Variants in HHIPL1 observed in about 807,000 individuals in gnomAD.
HHIPL1 encodes the protein HHIP-like protein 1.
A neutral mutation model predicts 61.8 loss-of-function variants in HHIPL1; 43 were observed. That is an observed-to-expected ratio of 0.70 (90% CI 0.55 to 0.90). The LOEUF (loss-of-function observed/expected upper bound fraction) is 0.90. Among genes scored for constraint, HHIPL1 ranks in the 40% least tolerant of loss-of-function variants. The pLI is 0.00. For missense variants in HHIPL1, 1,056 were observed against 1,157.7 expected (o/e 0.91, Z 1.28); for synonymous variants, 482 against 515.8 (o/e 0.93, Z 0.89).
At chr14:99,641,294 T>A (rs1480669583), upstream of HHIPL1, among the ~76,000 whole-genome samples, 1 of 152,220 alleles carries the variant, frequency 6.6e-6, no homozygotes, top group Non-Finnish European at 1.5e-5. Context: ...TTTTCACTCC[T>A]GAAGGATAAT....
chr14:99,627,257 C>CA, the HHIPL1 span, among the ~76,000 whole-genome samples: 1 of 151,586 alleles, frequency 6.6e-6, no homozygotes, highest in Non-Finnish European at 1.5e-5. The surrounding 1 kb of genome is among the most constrained non-coding windows in gnomAD (Gnocchi z 4.4). Flanking sequence ...CCTACCTACC[C>CA]ATTCATCTAT....
At chr14:99,657,983 A>G (rs2056080473) in intron 3 of HHIPL1, among the ~76,000 whole-genome samples, 1 of 152,178 alleles carries the variant, frequency 6.6e-6, no homozygotes, top group East Asian at 1.9e-4. Context: ...ACATACACAC[A>G]GTCTTGGGAG....
At position 99,645,214 on chromosome 14, in the gene HHIPL1, CG is replaced by C; in HGVS notation, c.10del (p.Ala4ProfsTer53). On this transcript the variant is annotated frameshift_variant, in exon 1 of 9. Coordinates refer to ENST00000330710, the MANE Select transcript of HHIPL1 (RefSeq NM_001127258.3). LOFTEE classifies it high-confidence loss of function. Reference sequence around the variant, plus strand: ...TCCCCCGCGGGGCGTAGCGATGGCCCGGGCCAGGGCCGGGGCGCTGCTGGCG... The same window carrying C: ...TCCCCCGCGGGGCGTAGCGATGGCCCGGCCAGGGCCGGGGCGCTGCTGGCG... MA[R>X]ARAGALLALW... 1.5e-6 allele frequency: 2 copies of C among 1,291,068 alleles called. No homozygotes were observed. Among genetic ancestry groups the C allele is most frequent in the Non-Finnish European group, 2.0e-6 (2 of 1,020,288 alleles). 80.0% of individuals were successfully genotyped at this position (1,291,068 alleles called of 1,614,324 possible).
chr14:99,675,870 T>A lies in HHIPL1; in HGVS notation c.*244T>A. ...ATGGTCCATCATGGGCGGGAGGAGT[T>A]CCTTTCTTACCTCCAAGCGTTTCAG... On this transcript the variant is annotated 3_prime_UTR_variant, in exon 9 of 9. Transcript: ENST00000330710. This position sits in a 1 kb window ranked among gnomAD's most constrained non-coding sequence, Gnocchi z 5.4. 2.4e-6 allele frequency: 1 copy of A among 416,102 alleles called. No individual in the cohort carries two copies. Among genetic ancestry groups the A allele is most frequent in the East Asian group, 3.6e-5 (1 of 27,832 alleles). 25.8% of individuals were successfully genotyped at this position (416,102 alleles called of 1,614,324 possible).
In HHIPL1 at chr14:99,668,903, C is replaced by T. The variant is rs774385532; in HGVS notation, c.1730+600C>T. 19 of 1,613,388 alleles carry T rather than the reference C, an allele frequency of 1.2e-5. No individual in the cohort carries two copies. Among genetic ancestry groups the T allele is most frequent in the Admixed American group, 8.3e-5 (5 of 60,014 alleles). Reference sequence around the variant, plus strand: ...GTGTGCAGCTCATTGACGTCTCAGCCGTTCATTTTACAGTGGTGGAAATGA... The same window carrying T: ...GTGTGCAGCTCATTGACGTCTCAGCTGTTCATTTTACAGTGGTGGAAATGA... On this transcript the variant is annotated intron_variant, in intron 7 of 8. Coordinates refer to ENST00000330710, the MANE Select transcript of HHIPL1 (RefSeq NM_001127258.3). The surrounding 1 kb of genome is among the most constrained non-coding windows in gnomAD (Gnocchi z 4.7).
chr14:99,637,000 G>GAAAGA, the HHIPL1 span, among the ~76,000 whole-genome samples: 31 of 77,006 alleles, frequency 4.0e-4, no homozygotes, highest in South Asian at 1.0e-3. Context: ...AAGAAAGAAA[G>GAAAGA]AAGAAAGAAA....
chr14:99,645,924 T>C (rs1277975550), intron 1 of HHIPL1, among the ~76,000 whole-genome samples: 1 of 152,168 alleles, frequency 6.6e-6, no homozygotes, highest in African/African-American at 2.4e-5. Context: ...GTGGTCAACG[T>C]GTGGCCCGGG....
At chr14:99,674,313 T>C (rs1373779854) in intron 8 of HHIPL1, among the ~76,000 whole-genome samples, 1 of 150,588 alleles carries the variant, frequency 6.6e-6, no homozygotes, top group Non-Finnish European at 1.5e-5. Context: ...AAAGTGTAGA[T>C]TGAGGTCTAT....
chr14:99,637,252 G>GAA, the HHIPL1 span, among the ~76,000 whole-genome samples: 1 of 144,830 alleles, frequency 6.9e-6, no homozygotes, highest in Admixed American at 6.8e-5. Context: ...AAGAAAGAAA[G>GAA]AAAGAAAGAA....
chr14:99,606,498 G>T, the HHIPL1 span, among the ~76,000 whole-genome samples: 1 of 152,270 alleles, frequency 6.6e-6, no homozygotes, highest in African/African-American at 2.4e-5. Flanking sequence ...CAGGGAAGTT[G>T]CTGAGACAGC....
chr14:99,621,714 T>C, the HHIPL1 span, among the ~76,000 whole-genome samples: 6,118 of 119,454 alleles, frequency 0.051, 484 homozygotes, highest in African/African-American at 0.17. Flanking sequence ...CTTTTCTTTT[T>C]TTTTTTTTTT....
chr14:99,616,456 G>A, the HHIPL1 span, among the ~76,000 whole-genome samples: 11,856 of 152,266 alleles, frequency 0.078, 610 homozygotes, highest in Non-Finnish European at 0.11. Context: ...GCCTGTGTGG[G>A]GAAGGGTAGG....
chr14:99,660,142 TG>T lies in HHIPL1; in HGVS notation c.1376-135del. 17 of 700,664 alleles carry T rather than the reference TG, an allele frequency of 2.4e-5. 1 individual carries two copies. Among genetic ancestry groups the T allele is most frequent in the South Asian group, 1.0e-4 (4 of 39,426 alleles). 43.4% of individuals were successfully genotyped at this position (700,664 alleles called of 1,614,324 possible). A position where few individuals can be genotyped will look rare whatever the true frequency, so the allele number is the denominator to read the frequency against. On this transcript the variant is annotated intron_variant, in intron 4 of 8. Transcript: ENST00000330710. The surrounding 1 kb of genome is among the most constrained non-coding windows in gnomAD (Gnocchi z 4.9). Reference sequence around the variant, plus strand: ...GCTTTCCACCACGCCAGCCCTGCTGTGGGCACGCCAGCCCTGCTGTGGGCAC... The same window carrying T: ...GCTTTCCACCACGCCAGCCCTGCTGTGGCACGCCAGCCCTGCTGTGGGCAC...
At chr14:99,608,983 G>T in the HHIPL1 span, among the ~76,000 whole-genome samples, 1 of 152,210 alleles carries the variant, frequency 6.6e-6, no homozygotes, top group Non-Finnish European at 1.5e-5. Flanking sequence ...TGGGGTGGAT[G>T]CTCTGCGATG....
Position 99,659,499 on chromosome 14 carries a change from C to G in HHIPL1, c.1118C>G (p.Pro373Arg), listed in dbSNP as rs1040978445. The change falls in exon 4 of 9, where the codon CCG becomes CGG. Residue 373 changes from proline (P) to arginine (R), a missense_variant. Pro to Arg is a moderately radical substitution (Grantham distance 103). Transcript: ENST00000330710. ...RKERGLPYGI[P>R]PDNPFVGDPA... is the part of the protein sequence containing the mutation. ...GAGCGCGGCCTGCCCTACGGCATCC[C>G]GCCCGACAACCCGTTCGTGGGCGAC... 7 of 1,540,272 alleles carry G rather than the reference C, an allele frequency of 4.5e-6. No homozygotes were observed. The highest frequency in any genetic ancestry group is 4.4e-6 in the Non-Finnish European group (5 of 1,147,758).
intron 8 of HHIPL1, among the ~76,000 whole-genome samples, chr14:99,673,267 T>C (rs2140095653): frequency 6.6e-6 from 1 of 152,036 alleles, no homozygotes; most frequent in South Asian, 2.1e-4. Context: ...AAGTGAGTTC[T>C]GGCCACAGTT....
rs1424649927 is a variant in HHIPL1 at position 99,675,438 on chromosome 14, G to A, written c.2161G>A (p.Ala721Thr). 1.3e-6 allele frequency: 2 copies of A among 1,537,176 alleles called. No homozygotes were observed. The highest frequency in any genetic ancestry group is 2.7e-5 in the African/African-American group (2 of 72,914). The change falls in exon 9 of 9, where the codon GCC becomes ACC. Residue 721 changes from alanine (A) to threonine (T), a missense_variant. By Grantham distance (58) the Ala-to-Thr change is moderately conservative. Transcript: ENST00000330710. The surrounding 1 kb of genome is among the most constrained non-coding windows in gnomAD (Gnocchi z 5.4). ...GTGTCGCCAGCTGGGGTTTGCCTAC[G>A]CCGTGCGCGCCGTCAAGAGAGCCGA... ...VVCRQLGFAYAVRAVKRAEFG... is the reference protein window; with the variant it reads ...VVCRQLGFAYTVRAVKRAEFG...
intron 7 of HHIPL1, 41 bp from the exon 8 acceptor site, chr14:99,672,276 T>C: frequency 6.6e-7 from 1 of 1,521,776 alleles, no homozygotes; most frequent in Non-Finnish European, 8.9e-7. Flanking sequence ...CAGGGTGGGC[T>C]CCCAGGGTGA....
intron 1 of HHIPL1, among the ~76,000 whole-genome samples, chr14:99,650,237 C>T (rs934935743): frequency 1.3e-5 from 2 of 152,304 alleles, no homozygotes; most frequent in Admixed American, 6.5e-5. Flanking sequence ...CCCAATCCTC[C>T]CCCAAACGTC....
Sources: gnomAD v4.1 joint callset for allele counts (sites outside exome capture counted in the v4.1 genomes callset) on GRCh38, gnomAD v4.1.1 for gene constraint, Gnocchi (gnomAD v3.1) non-coding constraint, MANE v1.5 for transcripts, NCBI Gene and HGNC (gene_info 2026-07-23, HGNC 2026-07-21) for gene names.